SYT16: variants seen among roughly 807,000 people sequenced by gnomAD.
The protein encoded by SYT16 is synaptotagmin 16, also known as synaptotagmin-16.
In SYT16, 42 loss-of-function variants were observed where a neutral mutation model predicts 61.4. The ratio of observed to expected loss-of-function variants is 0.68; its 90% CI spans 0.53 to 0.89. The LOEUF (loss-of-function observed/expected upper bound fraction) is 0.89, where lower values mean the gene tolerates loss of function less well. Among genes scored for constraint, SYT16 ranks in the 40% least tolerant of loss-of-function variants. SYT16 has a pLI of 0.00. For missense variants in SYT16, 804 were observed against 807.3 expected (o/e 1.00, Z 0.05); for synonymous variants, 314 against 302.3 (o/e 1.04, Z -0.40).
At chr14:61,883,905 A>C (rs2047794206) in intron 1 of SYT16, among the ~76,000 whole-genome samples, 1 of 152,214 alleles carries the variant, frequency 6.6e-6, no homozygotes. Context: ...GAGAAATGCC[A>C]GATGCTTATA....
At chr14:61,889,598 C>CTCTCTCTG (rs1350211524) in intron 1 of SYT16, among the ~76,000 whole-genome samples, 2 of 151,880 alleles carry the variant, frequency 1.3e-5, no homozygotes, top group African/African-American at 4.8e-5. Flanking sequence ...CCCTCTCTCT[C>CTCTCTCTG]TCTCTCTGTC....
intron 1 of SYT16, among the ~76,000 whole-genome samples, chr14:61,864,168 G>A (rs1442487147): frequency 6.6e-6 from 1 of 152,180 alleles, no homozygotes; most frequent in African/African-American, 2.4e-5. Context: ...GTAGACTTGG[G>A]GTTGTTTCAA....
chr14:62,082,728 C>A (rs954918486), intron 6 of SYT16, among the ~76,000 whole-genome samples: 2 of 152,260 alleles, frequency 1.3e-5, no homozygotes. Flanking sequence ...AGGGATCCTG[C>A]GTGATAGAGC....
chr14:61,826,111 C>T (rs2045764082), intron 1 of SYT16, among the ~76,000 whole-genome samples: 3 of 150,058 alleles, frequency 2.0e-5, no homozygotes, highest in African/African-American at 7.6e-5. Context: ...CACTTATTCC[C>T]GTTCAGGGTT....
intron 4 of SYT16, among the ~76,000 whole-genome samples, chr14:62,072,086 T>C (rs1411929229): frequency 6.6e-6 from 1 of 152,242 alleles, no homozygotes; most frequent in Non-Finnish European, 1.5e-5. Context: ...ATGCAAGGTC[T>C]TTAGACGTGA....
At chr14:62,062,220 A>G (rs1286111970) in intron 3 of SYT16, among the ~76,000 whole-genome samples, 2 of 152,142 alleles carry the variant, frequency 1.3e-5, no homozygotes, top group Non-Finnish European at 2.9e-5. Context: ...CCAGATGTTG[A>G]TCTTTTTTCT....
Position 62,084,178 on chromosome 14 carries a change from G to A in SYT16, c.1435-18G>A. On this transcript the variant is annotated intron_variant, in intron 6 of 7. Transcript: ENST00000683842. ...TGCAGCGTGGGCCAATGGATTCTTT[G>A]TTGTTCTTCCCCTCCAGAGTGGAGG... is the stretch of plus-strand genomic sequence containing the variant. 6.2e-7 allele frequency: 1 copy of A among 1,609,308 alleles called. No individual in the cohort carries two copies. Among genetic ancestry groups the A allele is most frequent in the Non-Finnish European group, 8.5e-7 (1 of 1,178,710 alleles).
At chr14:62,062,676 C>CAA (rs1316575077) in intron 3 of SYT16, among the ~76,000 whole-genome samples, 5 of 152,088 alleles carry the variant, frequency 3.3e-5, no homozygotes, top group African/African-American at 1.2e-4. Flanking sequence ...CTTTGATCTC[C>CAA]CTTCTGCTTT....
At chr14:61,969,680 A>G (rs893611141) in intron 1 of SYT16, among the ~76,000 whole-genome samples, 1 of 152,214 alleles carries the variant, frequency 6.6e-6, no homozygotes, top group Non-Finnish European at 1.5e-5. Flanking sequence ...ATATTGGTAG[A>G]ATTATTTATC....
intron 1 of SYT16, among the ~76,000 whole-genome samples, chr14:61,905,782 A>G (rs2048685983): frequency 6.8e-6 from 1 of 146,886 alleles, no homozygotes; most frequent in Non-Finnish European, 1.5e-5. Flanking sequence ...TTTTGGGGAT[A>G]AATCTCGCTC....
chr14:62,060,758 A>G (rs1179488328), intron 3 of SYT16, among the ~76,000 whole-genome samples: 2 of 152,012 alleles, frequency 1.3e-5, no homozygotes, highest in Non-Finnish European at 2.9e-5. Flanking sequence ...CTATAATCAT[A>G]AGAGATATTG....
At chr14:62,078,173 AC>A (rs1395183685) in intron 5 of SYT16, among the ~76,000 whole-genome samples, 11 of 70,870 alleles carry the variant, frequency 1.6e-4, no homozygotes, top group African/African-American at 5.1e-4. Context: ...ATATATATAA[AC>A]ACACACACAC....
intron 4 of SYT16, among the ~76,000 whole-genome samples, chr14:62,070,036 A>C (rs770693265): frequency 4.6e-5 from 7 of 152,312 alleles, no homozygotes; most frequent in Non-Finnish European, 8.8e-5. Context: ...GTGGGTCTCA[A>C]TACTAGGTTG....
chr14:62,050,738 G>T (rs1052257789), intron 3 of SYT16, among the ~76,000 whole-genome samples: 7 of 152,104 alleles, frequency 4.6e-5, no homozygotes, highest in African/African-American at 9.7e-5. Context: ...GGAGGTCCAC[G>T]CCAGACCCTG....
intron 3 of SYT16, among the ~76,000 whole-genome samples, chr14:62,050,077 G>T (rs1171788389): frequency 6.6e-6 from 1 of 152,166 alleles, no homozygotes; most frequent in African/African-American, 2.4e-5. Context: ...TTTCCAACTT[G>T]CCTCCATTCT....
chr14:62,001,085 T>G (rs2052995855), intron 3 of SYT16, among the ~76,000 whole-genome samples: 1 of 151,852 alleles, frequency 6.6e-6, no homozygotes, highest in South Asian at 2.1e-4. Flanking sequence ...TAAAAACCCC[T>G]CCTCAAAACC....
chr14:61,976,891 T>C (rs1356277479), intron 2 of SYT16, among the ~76,000 whole-genome samples: 2 of 152,028 alleles, frequency 1.3e-5, no homozygotes, highest in African/African-American at 4.8e-5. Context: ...TTCTATTGCA[T>C]AGTCAGGATG....
intron 1 of SYT16, among the ~76,000 whole-genome samples, chr14:61,847,759 T>A (rs969057627): frequency 6.6e-6 from 1 of 152,170 alleles, no homozygotes; most frequent in Non-Finnish European, 1.5e-5. Flanking sequence ...TTTTTTCTTT[T>A]ATCTCCTCTT....
At chr14:61,923,048 C>CA (rs140168317) in intron 1 of SYT16, among the ~76,000 whole-genome samples, 2,970 of 95,290 alleles carry the variant, frequency 0.031, 46 homozygotes, top group African/African-American at 0.066. Flanking sequence ...GACTCTGTCT[C>CA]AAAAAAAAAA....
Sources: allele counts gnomAD v4.1 joint callset (sites outside exome capture counted in the v4.1 genomes callset), GRCh38; gene constraint gnomAD v4.1.1; transcripts MANE v1.5; gene names NCBI Gene and HGNC (gene_info 2026-07-23, HGNC 2026-07-21).